The following SREBF2 variants were observed in gnomAD, a reference collection of about 807,000 sequenced individuals.
SREBF2 encodes sterol regulatory element binding transcription factor 2, also known as sterol regulatory element-binding protein 2.
Under a neutral mutation model 113.1 loss-of-function variants are expected in SREBF2, and 55 were observed. That is an observed-to-expected ratio of 0.49 (90% CI 0.39 to 0.61). SREBF2 has a LOEUF of 0.61. Among genes scored for constraint, SREBF2 ranks in the 20% least tolerant of loss-of-function variants. The probability of loss-of-function intolerance (pLI) is 0.00; values close to 1 mark genes in which losing one functional copy is unlikely to be tolerated. For missense variants in SREBF2, 1,349 were observed against 1,487.4 expected (o/e 0.91, Z 1.53); for synonymous variants, 593 against 605.7 (o/e 0.98, Z 0.31).
chr22:41,895,084 C>T (rs1300345355), intron 13 of SREBF2, 147 bp downstream of exon 13: 1 of 677,850 alleles, frequency 1.5e-6, no homozygotes, highest in Non-Finnish European at 2.7e-6. Flanking sequence ...TTTAATTTCT[C>T]AAAAATGAGA....
chr22:41,833,199 CGGTGGCGA>C lies in SREBF2; in HGVS notation c.-71_-64del. 3.2e-6 allele frequency: 4 copies of C among 1,251,516 alleles called. No individual in the cohort carries two copies. The highest frequency in any genetic ancestry group is 4.4e-6 in the Non-Finnish European group (4 of 919,304). The allele number at this position is 1,251,516 out of a possible 1,614,324, so 77.5% of individuals were successfully genotyped here. ...GGCGGGGGTTGTCGGGTGTCATGGG[CGGTGGCGA>C]CGGCACCGCCCCCGCGTCTCCCTGA... On this transcript the variant is annotated 5_prime_UTR_variant, in exon 1 of 19. An upstream open reading frame in the 5' UTR loses its in-frame stop. Coordinates refer to ENST00000361204, the MANE Select transcript of SREBF2 (RefSeq NM_004599.4). The surrounding 1 kb of genome is among the most constrained non-coding windows in gnomAD (Gnocchi z 4.1).
intron 1 of SREBF2, among the ~76,000 whole-genome samples, chr22:41,852,103 A>G (rs2076937823): frequency 6.6e-6 from 1 of 152,032 alleles, no homozygotes. Flanking sequence ...CCTGGGCGAT[A>G]GAGAGAGACT....
At chr22:41,846,898 C>G (rs569514183) in intron 1 of SREBF2, among the ~76,000 whole-genome samples, 23 of 152,132 alleles carry the variant, frequency 1.5e-4, no homozygotes, top group Non-Finnish European at 3.4e-4. Context: ...TTAGGTTTCT[C>G]TTTCTTCTCT....
At chr22:41,854,442 G>T (rs1838202766) in intron 1 of SREBF2, among the ~76,000 whole-genome samples, 1 of 151,866 alleles carries the variant, frequency 6.6e-6, no homozygotes, top group African/African-American at 2.4e-5. Context: ...GATTGCAGGG[G>T]TGAACCACCA....
chr22:41,862,889 G>T (rs2077039636), intron 1 of SREBF2, among the ~76,000 whole-genome samples: 1 of 152,206 alleles, frequency 6.6e-6, no homozygotes, highest in African/African-American at 2.4e-5. Flanking sequence ...TGTGTGGGTT[G>T]AAAGGGACTT....
intron 1 of SREBF2, among the ~76,000 whole-genome samples, chr22:41,851,174 T>C (rs1262548955): frequency 1.3e-5 from 2 of 152,198 alleles, no homozygotes; most frequent in Non-Finnish European, 2.9e-5. Context: ...TAATATTACC[T>C]TCTGTACTGG....
Position 41,905,497 on chromosome 22 carries a change from G to A in SREBF2, c.3263G>A (p.Cys1088Tyr), listed in dbSNP as rs769334083. 1.3e-6 allele frequency: 2 copies of A among 1,578,508 alleles called. No homozygotes were observed. The highest frequency in any genetic ancestry group is 1.7e-6 in the Non-Finnish European group (2 of 1,162,756). The change falls in exon 19 of 19, where the codon TGC becomes TAC. Residue 1088 changes from cysteine to tyrosine, a missense_variant. This residue lies in a region of SREBF2 where 650 missense variants were observed against 644.1 expected (regional missense o/e 1.01). Transcript: ENST00000361204. ...CGGGCCACCGCCATCCTGCTGGCCT[G>A]CCGCCACCTGCCCCTCTCCTTCCTC... ...RERATAILLA[C>Y]RHLPLSFLSS...
intron 9 of SREBF2, among the ~76,000 whole-genome samples, chr22:41,878,993 A>G (rs2077222368): frequency 6.6e-6 from 1 of 152,108 alleles, no homozygotes; most frequent in Non-Finnish European, 1.5e-5. Flanking sequence ...GGTAGGAGGG[A>G]GATGTGAAAT....
Position 41,889,573 on chromosome 22 carries a change from T to C in SREBF2, c.2209-3544T>C, listed in dbSNP as rs554779609. ...GGTAGCACACACCTGTGGTCCCAGC[T>C]CCTCAGGAGACTGAGGTAGGAGAAT... On this transcript the variant is annotated intron_variant, in intron 11 of 18. Coordinates refer to ENST00000361204, the MANE Select transcript of SREBF2 (RefSeq NM_004599.4). Among the ~76,000 whole-genome samples the C allele has an allele frequency of 3.9e-5, 6 of 152,142 alleles. No individual in the cohort carries two copies. The East Asian group carries it at 1.2e-3, about 29-fold the overall frequency.
chr22:41,877,366 C>T lies in SREBF2; in HGVS notation c.1524C>T (p.Asp508=), dbSNP rs755311811. The T allele has an allele frequency of 1.4e-5, 22 of 1,614,098 alleles. No homozygotes were observed. In the South Asian group the frequency reaches 1.9e-4, roughly 14 times the overall value. The change falls in exon 8 of 19, where the codon GAC becomes GAT. Residue 508 remains aspartate (D), a synonymous_variant. Transcript: ENST00000361204. ...TGCTGCAGTGGGGAGGGGCCCACGA[C>T]TCTGACCAGCACCCACACTCAGGCT... The part of the protein sequence containing the change: ...TSLLQWGGAH[D]SDQHPHSGSG...
chr22:41,866,411 A>G (rs1159887479), intron 1 of SREBF2, among the ~76,000 whole-genome samples: 1 of 152,168 alleles, frequency 6.6e-6, no homozygotes, highest in Non-Finnish European at 1.5e-5. Context: ...TTAGCCGGGC[A>G]TGGTGCCGTG....
In SREBF2 at chr22:41,880,781, C is replaced by A; in HGVS notation, c.1827C>A (p.Pro609=). The change falls in exon 10 of 19, where the codon CCC becomes CCA. Residue 609 remains proline, a synonymous_variant. Coordinates refer to ENST00000361204, the MANE Select transcript of SREBF2 (RefSeq NM_004599.4). ...TGGCAGTTTTGGGCCGGGCACTGCC[C>A]ACCTCCCGCCTGGACCTGGCCTGCA... The part of the protein sequence containing the change: ...TCLAVLGRAL[P]TSRLDLACSL... 6.2e-7 allele frequency: 1 copy of A among 1,614,178 alleles called. No individual in the cohort carries two copies. Among genetic ancestry groups the A allele is most frequent in the Non-Finnish European group, 8.5e-7 (1 of 1,180,034 alleles).
At chr22:41,884,550 G>A (rs2077281373) in intron 10 of SREBF2, among the ~76,000 whole-genome samples, 1 of 152,180 alleles carries the variant, frequency 6.6e-6, no homozygotes, top group Non-Finnish European at 1.5e-5. Context: ...TGCTGACATT[G>A]TTATGTTGCA....
chr22:41,867,042 C>T lies in SREBF2; in HGVS notation c.300C>T (p.Phe100=). 2.5e-6 allele frequency: 4 copies of T among 1,614,192 alleles called. No homozygotes were observed. Among genetic ancestry groups the T allele is most frequent in the Non-Finnish European group, 3.4e-6 (4 of 1,180,040 alleles). ...TCACCCAGGTCACATTACCTTCCTT[C>T]TCTCCCTCGGCGGCCTCCCCACAGG... ...RSFTQVTLPS[F]SPSAASPQAP... is the part of the protein sequence containing the mutation. Residue 100 remains phenylalanine, a synonymous_variant, in exon 2 of 19, where the codon TTC becomes TTT. Transcript: ENST00000361204.
At chr22:41,844,033 T>TACATACACACACAC (rs1556029623) in intron 1 of SREBF2, among the ~76,000 whole-genome samples, 1 of 123,108 alleles carries the variant, frequency 8.1e-6, no homozygotes, top group Non-Finnish European at 1.6e-5. Flanking sequence ...AAAAAATACA[T>TACATACACACACAC]ACACACACAC....
chr22:41,866,788 T>C lies in SREBF2; in HGVS notation c.89-43T>C, dbSNP rs2077080030. ...TTCTTAAGCAAGTTTGAAAGTTCAC[T>C]TTTTGGATAGCAATAAAATTACTCC... On this transcript the variant is annotated intron_variant, in intron 1 of 18. Transcript: ENST00000361204. The C allele has an allele frequency of 1.9e-6, 3 of 1,610,154 alleles. No individual in the cohort carries two copies. The East Asian group carries it at 6.7e-5, about 36-fold the overall frequency.
chr22:41,851,934 C>T (rs1303874705), intron 1 of SREBF2, among the ~76,000 whole-genome samples: 2 of 151,954 alleles, frequency 1.3e-5, no homozygotes, highest in African/African-American at 4.8e-5. Flanking sequence ...TCCTGGCTAA[C>T]ACGGTGAAAC....
intron 1 of SREBF2, among the ~76,000 whole-genome samples, chr22:41,852,276 A>C (rs976219823): frequency 6.6e-6 from 1 of 152,084 alleles, no homozygotes; most frequent in South Asian, 2.1e-4. Context: ...CTGTGTATTG[A>C]TATATATCCA....
intron 15 of SREBF2, 109 bp from the exon 16 acceptor site, chr22:41,900,221 G>A: frequency 6.5e-7 from 1 of 1,547,522 alleles, no homozygotes; most frequent in Non-Finnish European, 8.7e-7. Context: ...GTCAACAGAT[G>A]CACATGTCAT....
Sources: allele counts gnomAD v4.1 joint callset (sites outside exome capture counted in the v4.1 genomes callset), GRCh38; gene constraint gnomAD v4.1.1; regional missense constraint gnomAD v4.1.1; non-coding constraint Gnocchi (gnomAD v3.1); transcripts MANE v1.5; gene names NCBI Gene and HGNC (gene_info 2026-07-23, HGNC 2026-07-21).